Variants in BSDC1 observed in about 807,000 individuals in gnomAD.
The protein encoded by BSDC1 is BSD domain-containing protein 1.
A neutral mutation model predicts 56.0 loss-of-function variants in BSDC1; 29 were observed. The observed-to-expected ratio is 0.52, with a 90% CI of 0.39 to 0.71. BSDC1 has a LOEUF of 0.71. Among genes scored for constraint, BSDC1 ranks in the 30% least tolerant of loss-of-function variants. BSDC1 has a pLI of 0.00. For missense variants in BSDC1, 477 were observed against 548.5 expected (o/e 0.87, Z 1.30); for synonymous variants, 210 against 215.3 (o/e 0.98, Z 0.21).
At chr1:32,373,767 C>T (rs72880308) in intron 9 of BSDC1, among the ~76,000 whole-genome samples, 2,874 of 152,270 alleles carry the variant, frequency 0.019, 88 homozygotes, top group African/African-American at 0.064. Flanking sequence ...AGCGATCCAC[C>T]TGCCTCAGCC....
chr1:32,368,084 C>T (rs1641916782), intron 10 of BSDC1: 2 of 1,305,174 alleles, frequency 1.5e-6, no homozygotes, highest in Non-Finnish European at 1.9e-6. Context: ...ATTGGCCAGG[C>T]TGGTCTTGAA....
In BSDC1 at chr1:32,375,434, G is replaced by A. The variant is rs189931967; in HGVS notation, c.1156+828C>T. 5.3e-5 allele frequency among the ~76,000 whole-genome samples: 8 copies of A among 151,970 alleles called. No individual in the cohort carries two copies. In the East Asian group the frequency reaches 1.5e-3, roughly 29 times the overall value. ...GAAGTGTACAGGTGGTGGGGGGACT[G>A]GAGGGGGGGTTCTTAGTGATAATCA... On this transcript the variant is annotated intron_variant, in intron 9 of 10. Transcript: ENST00000455895.
chr1:32,384,921 G>C (rs1405262912), intron 3 of BSDC1, among the ~76,000 whole-genome samples: 1 of 152,102 alleles, frequency 6.6e-6, no homozygotes, highest in Non-Finnish European at 1.5e-5. Context: ...TAGACTTATA[G>C]CAGTTTAGCA....
intron 2 of BSDC1, among the ~76,000 whole-genome samples, chr1:32,387,142 T>C (rs1642700335): frequency 6.6e-6 from 1 of 152,230 alleles, no homozygotes; most frequent in Non-Finnish European, 1.5e-5. Flanking sequence ...TCGCAAGCTA[T>C]GTGGCCATGA....
intron 4 of BSDC1, among the ~76,000 whole-genome samples, chr1:32,382,531 T>C (rs1172477702): frequency 6.6e-6 from 1 of 151,354 alleles, no homozygotes; most frequent in Non-Finnish European, 1.5e-5. Flanking sequence ...CATGACATTA[T>C]ATTGTGAATT....
chr1:32,387,769 T>C (rs923250180), intron 2 of BSDC1, among the ~76,000 whole-genome samples: 7 of 152,228 alleles, frequency 4.6e-5, no homozygotes, highest in African/African-American at 7.2e-5. Flanking sequence ...TAATTACTAA[T>C]TGTATTAGTA....
Position 32,378,322 on chromosome 1 carries a change from G to A in BSDC1, c.529-39C>T. ...AAAATGGAGGTGAGACTTTGGGAGTGTTTGTGTGGGGTCTGTGTCCCCAGC... is the reference window on the plus strand; with the variant it reads ...AAAATGGAGGTGAGACTTTGGGAGTATTTGTGTGGGGTCTGTGTCCCCAGC... On this transcript the variant is annotated intron_variant, in intron 6 of 10. Coordinates refer to ENST00000455895, the MANE Select transcript of BSDC1 (RefSeq NM_018045.8). This position sits in a 1 kb window ranked among gnomAD's most constrained non-coding sequence, Gnocchi z 5.2. 6.3e-7 allele frequency: 1 copy of A among 1,591,742 alleles called. No individual in the cohort carries two copies. Among genetic ancestry groups the A allele is most frequent in the Non-Finnish European group, 8.6e-7 (1 of 1,159,882 alleles).
chr1:32,368,336 C>A (rs757600307), intron 10 of BSDC1, 111 bp downstream of exon 10: 4 of 1,613,378 alleles, frequency 2.5e-6, no homozygotes, highest in Admixed American at 3.3e-5. Flanking sequence ...CCACCTGTCA[C>A]CTCAGACAGG....
Position 32,384,088 on chromosome 1 carries a change from G to A in BSDC1, c.190-91C>T, listed in dbSNP as rs751921632. ...TAAAACATTGGGGCAAAGGTGTACC[G>A]TGTGTTGGGGGACCAGGGAAGCGCT... On this transcript the variant is annotated intron_variant, in intron 3 of 10. Transcript: ENST00000455895. 17 of 1,566,944 alleles carry A rather than the reference G, an allele frequency of 1.1e-5. No individual in the cohort carries two copies. In the East Asian group the frequency reaches 2.5e-4, roughly 23 times the overall value.
intron 9 of BSDC1, among the ~76,000 whole-genome samples, chr1:32,375,903 T>C (rs986587263): frequency 1.3e-5 from 2 of 152,362 alleles, no homozygotes; most frequent in East Asian, 1.9e-4. Flanking sequence ...CTCCTGGCCA[T>C]GTGAACTTGG....
intron 10 of BSDC1, 83 bp from the exon 11 acceptor site, chr1:32,366,737 CAG>C: frequency 6.9e-7 from 1 of 1,442,954 alleles, no homozygotes. Flanking sequence ...ACTTGCTGAG[CAG>C]AGCCACCTCC....
chr1:32,382,867 C>CAAAAAAAA (rs760141230), intron 4 of BSDC1, among the ~76,000 whole-genome samples: 1 of 47,098 alleles, frequency 2.1e-5, no homozygotes, highest in Admixed American at 2.4e-4. Context: ...GAGACCGTCT[C>CAAAAAAAA]AAAAAAAAAA....
At chr1:32,381,112 G>A (rs546978488) in intron 5 of BSDC1, 102 bp downstream of exon 5, 1 of 1,106,548 alleles carries the variant, frequency 9.0e-7, no homozygotes, top group South Asian at 1.3e-5. Flanking sequence ...TCCCTACATA[G>A]GGGGTGCCCG....
chr1:32,376,870 C>A (rs961016630), intron 8 of BSDC1, 129 bp from the exon 9 acceptor site: 25 of 1,081,574 alleles, frequency 2.3e-5, no homozygotes, highest in Non-Finnish European at 3.0e-5. Context: ...GTGGCTCACA[C>A]CTGTAATCCC....
rs764887301 is a variant in BSDC1, at chr1:32,383,859, C to T, written c.328G>A (p.Gly110Ser). Residue 110 changes from glycine (G) to serine (S), a missense_variant, in exon 4 of 11, where the codon GGC (glycine) becomes AGC (serine). By Grantham distance (56) the Gly-to-Ser change is moderately conservative. Transcript: ENST00000455895. ...DVITLMGTPS[G>S]TAEPYDGTKA... ...GTGCCATCATAGGGCTCAGCTGTGCCAGACGGTGTGCCCATCAGGGTGATG... is the reference window on the plus strand; with the variant it reads ...GTGCCATCATAGGGCTCAGCTGTGCTAGACGGTGTGCCCATCAGGGTGATG... The T allele has an allele frequency of 2.5e-6, 4 of 1,612,250 alleles. No homozygotes were observed. The Admixed American group carries it at 6.7e-5, about 27-fold the overall frequency.
At chr1:32,367,905 A>G (rs1239972235) in intron 10 of BSDC1, 3 of 1,017,064 alleles carry the variant, frequency 2.9e-6, no homozygotes, top group Non-Finnish European at 3.5e-6. Context: ...GCTCAGGTTA[A>G]GTAACTTGCC....
At chr1:32,373,571 G>T (rs934701239) in intron 9 of BSDC1, among the ~76,000 whole-genome samples, 2 of 151,976 alleles carry the variant, frequency 1.3e-5, no homozygotes, top group African/African-American at 4.8e-5. Context: ...ACCCAGGCTG[G>T]AGGGCAGTGC....
intron 8 of BSDC1, among the ~76,000 whole-genome samples, chr1:32,377,315 G>C (rs1392065143): frequency 6.6e-6 from 1 of 152,178 alleles, no homozygotes. Context: ...GCTCAGAAGT[G>C]AGTCAGTTTT....
intron 3 of BSDC1, chr1:32,386,464 CTT>C (rs1642675363): frequency 3.7e-6 from 1 of 266,700 alleles, no homozygotes; most frequent in Non-Finnish European, 7.1e-6. Context: ...GTCTCTAGGT[CTT>C]TCTCTCTCTC....
Sources: gnomAD v4.1 joint callset for allele counts (sites outside exome capture counted in the v4.1 genomes callset) on GRCh38, gnomAD v4.1.1 for gene constraint, Gnocchi (gnomAD v3.1) non-coding constraint, MANE v1.5 for transcripts, NCBI Gene and HGNC (gene_info 2026-07-23, HGNC 2026-07-21) for gene names.